TUSC3: variants seen among roughly 807,000 people sequenced by gnomAD.
The protein encoded by TUSC3 is dolichyl-diphosphooligosaccharide--protein glycosyltransferase subunit TUSC3.
Under a neutral mutation model 44.8 loss-of-function variants are expected in TUSC3, and 45 were observed. The ratio of observed to expected loss-of-function variants is 1.00; its 90% confidence interval spans 0.79 to 1.29. The LOEUF is 1.29. TUSC3 is among the 50% of genes most tolerant of loss of function. The probability of loss-of-function intolerance (pLI) is 0.00; values close to 1 mark genes in which losing one functional copy is unlikely to be tolerated. For synonymous variants in TUSC3, 212 were observed against 152.9 expected, an observed-to-expected ratio of 1.39 and a Z score of -2.85; for missense variants, 519 against 437.9, an observed-to-expected ratio of 1.19 and a Z score of -1.65.
At chr8:15,649,860 G>C (rs912717576) in intron 2 of TUSC3, among the ~76,000 whole-genome samples, 16 of 152,138 alleles carry the variant, frequency 1.1e-4, no homozygotes, top group African/African-American at 3.6e-4. Flanking sequence ...TTTGGGGAGA[G>C]GGGGGAGATA....
rs12550009 is a variant in TUSC3 at position 15,540,311 on chromosome 8, C to T, written c.-120C>T. 268,904 of 1,323,854 alleles carry T rather than the reference C, an allele frequency of 0.2. 27,764 individuals carry two copies. Among genetic ancestry groups the T allele is most frequent in the South Asian group, 0.27 (14,703 of 55,128 alleles). The allele number at this position is 1,323,854 out of a possible 1,614,324, so 82.0% of individuals were successfully genotyped here. A position where few individuals can be genotyped will look rare whatever the true frequency, so the allele number is the denominator to read the frequency against. On this transcript the variant is annotated 5_prime_UTR_variant, in exon 1 of 11. Coordinates refer to ENST00000503731, the MANE Select transcript of TUSC3 (RefSeq NM_006765.4). ...CCGCGGCCCGGGTCCCTCGCAAAGC[C>T]GCTGCCATCCCGGAGGGCCCAGCCA...
Position 15,600,930 on chromosome 8 carries a change from A to T in TUSC3, c.139-22150A>T, listed in dbSNP as rs566028889. Among the ~76,000 whole-genome samples the T allele has an allele frequency of 4.0e-5, 6 of 151,856 alleles. No homozygotes were observed. The East Asian group carries it at 1.2e-3, about 29-fold the overall frequency. On this transcript the variant is annotated intron_variant, in intron 1 of 10. Transcript: ENST00000503731. ...ATAATAATTGTACATATGGAGAGCC[A>T]ATGTGTTCAGATACTGTGCTAAATA...
intron 1 of TUSC3, among the ~76,000 whole-genome samples, chr8:15,467,050 C>G (rs17576922): frequency 2.6e-4 from 40 of 151,916 alleles, no homozygotes; most frequent in Non-Finnish European, 5.4e-4. Context: ...AAGGACAAAT[C>G]GAGATAAGTG....
chr8:15,554,558 T>A (rs896590691), intron 1 of TUSC3, among the ~76,000 whole-genome samples: 11 of 151,184 alleles, frequency 7.3e-5, no homozygotes, highest in African/African-American at 2.7e-4. Flanking sequence ...TCTAACCTAT[T>A]TGGATTGTTT....
At chr8:15,646,219 A>C (rs1018257635) in intron 2 of TUSC3, among the ~76,000 whole-genome samples, 1 of 152,132 alleles carries the variant, frequency 6.6e-6, no homozygotes, top group Admixed American at 6.5e-5. Context: ...AGGACATTCT[A>C]AGTGAAGTAT....
chr8:15,641,341 C>CAG (rs1189615213), intron 2 of TUSC3, among the ~76,000 whole-genome samples: 5 of 118,906 alleles, frequency 4.2e-5, no homozygotes, highest in South Asian at 2.5e-4. Context: ...GGCCTGGCGA[C>CAG]AGAGAGAGAG....
At chr8:15,434,958 C>G (rs575663004) in intron 1 of TUSC3, among the ~76,000 whole-genome samples, 22 of 150,014 alleles carry the variant, frequency 1.5e-4, no homozygotes, top group African/African-American at 5.0e-4. Flanking sequence ...GGGTTGGTTC[C>G]AAGTCTTTGC....
chr8:15,772,158 G>T, the TUSC3 span, among the ~76,000 whole-genome samples: 1 of 151,844 alleles, frequency 6.6e-6, no homozygotes, highest in Admixed American at 6.6e-5. Flanking sequence ...ATTGGAAAAA[G>T]AAAAACAAAC....
intron 1 of TUSC3, among the ~76,000 whole-genome samples, chr8:15,594,482 G>T (rs544611484): frequency 6.6e-6 from 1 of 152,244 alleles, no homozygotes; most frequent in East Asian, 1.9e-4. Flanking sequence ...TTGGATACTG[G>T]ATAATTTTGT....
intron 7 of TUSC3, among the ~76,000 whole-genome samples, chr8:15,734,108 T>C (rs928369009): frequency 1.3e-5 from 2 of 152,240 alleles, no homozygotes; most frequent in Non-Finnish European, 2.9e-5. Flanking sequence ...CTGCTACTTT[T>C]TGAACAATCC....
intron 2 of TUSC3, among the ~76,000 whole-genome samples, chr8:15,532,561 T>C (rs578106386): frequency 2.6e-5 from 4 of 152,250 alleles, no homozygotes; most frequent in African/African-American, 9.6e-5. Context: ...GTAAGAAGTT[T>C]AAAAAGGGTG....
downstream of TUSC3, among the ~76,000 whole-genome samples, chr8:15,770,860 T>C (rs565131708): frequency 6.6e-6 from 1 of 152,090 alleles, no homozygotes; most frequent in African/African-American, 2.4e-5. Context: ...CCCGAAGAAA[T>C]AATGTTCAAA....
chr8:15,810,263 G>C, the TUSC3 span, among the ~76,000 whole-genome samples: 1 of 152,116 alleles, frequency 6.6e-6, no homozygotes, highest in African/African-American at 2.4e-5. Context: ...TGTAGCTAAA[G>C]AACCCCTGGC....
chr8:15,440,596 A>C (rs1800008203), intron 1 of TUSC3, among the ~76,000 whole-genome samples: 1 of 152,228 alleles, frequency 6.6e-6, no homozygotes. Context: ...AGCATCTTAC[A>C]GGATGGAATA....
intron 1 of TUSC3, among the ~76,000 whole-genome samples, chr8:15,467,428 A>T (rs1004429669): frequency 1.3e-5 from 2 of 152,182 alleles, no homozygotes; most frequent in Non-Finnish European, 2.9e-5. Context: ...AATCAATTGC[A>T]GTAAATTATA....
intron 1 of TUSC3, among the ~76,000 whole-genome samples, chr8:15,477,224 G>A (rs1800587818): frequency 6.6e-6 from 1 of 152,108 alleles, no homozygotes; most frequent in South Asian, 2.1e-4. Flanking sequence ...CAATTCCATT[G>A]ACCAAATTCC....
chr8:15,473,735 A>C lies in TUSC3; in HGVS notation n.92-9651A>C, dbSNP rs558631838. The stretch of plus-strand genomic sequence containing the variant: ...AGTACAGGGAGTGGGTCACAAGATC[A>C]CATGCTTCAAAGGGCAAAAAGCAGA... On this transcript the variant is annotated intron_variant and non_coding_transcript_variant, in intron 1 of 5. Coordinates refer to the TUSC3 transcript ENST00000503191. Among the ~76,000 whole-genome samples, 4 of 152,304 alleles carry C rather than the reference A, an allele frequency of 2.6e-5. No homozygotes were observed. The South Asian group carries it at 8.3e-4, about 32-fold the overall frequency.
At chr8:15,790,904 G>A in the TUSC3 span, among the ~76,000 whole-genome samples, 1 of 152,136 alleles carries the variant, frequency 6.6e-6, no homozygotes, top group African/African-American at 2.4e-5. Context: ...TTCTCAAGGA[G>A]TAGATACTGA....
chr8:15,738,679 G>A (rs574813985), intron 7 of TUSC3, among the ~76,000 whole-genome samples: 7 of 151,928 alleles, frequency 4.6e-5, no homozygotes, highest in Non-Finnish European at 7.4e-5. Flanking sequence ...CCCGTGAACA[G>A]TTACTGTTTT....
Sources: allele counts gnomAD v4.1 joint callset (sites outside exome capture counted in the v4.1 genomes callset), GRCh38; gene constraint gnomAD v4.1.1; transcripts MANE v1.5; gene names NCBI Gene and HGNC (gene_info 2026-07-23, HGNC 2026-07-21).